The following PRKN variants were observed in gnomAD, a reference collection of about 807,000 sequenced individuals.
PRKN encodes parkin RBR E3 ubiquitin protein ligase.
A neutral mutation model predicts 59.5 loss-of-function variants in PRKN; 56 were observed. The observed-to-expected ratio is 0.94, with a 90% CI of 0.76 to 1.18. PRKN has a LOEUF of 1.18. PRKN is among the 50% of genes most tolerant of loss of function. The pLI, the probability that PRKN is intolerant of heterozygous loss-of-function variation, is 0.00. For synonymous variants in PRKN, 250 were observed against 222.1 expected (o/e 1.13, Z -1.12); for missense variants, 657 against 596.4 (o/e 1.10, Z -1.06).
chr6:161,394,044 A>AT (rs1786635075), intron 9 of PRKN, among the ~76,000 whole-genome samples: 2 of 152,220 alleles, frequency 1.3e-5, no homozygotes, highest in Non-Finnish European at 2.9e-5. Flanking sequence ...AAGGGAATCT[A>AT]TCAAGAGAGG....
Position 162,427,701 on chromosome 6 carries a change from AGT to A in PRKN, c.171+15607_171+15608del, listed in dbSNP as rs1789307025. Among the ~76,000 whole-genome samples, 3 of 147,988 alleles carry A rather than the reference AGT, an allele frequency of 2.0e-5. No homozygotes were observed. The South Asian group carries it at 6.3e-4, about 31-fold the overall frequency. On this transcript the variant is annotated intron_variant, in intron 2 of 11. Transcript: ENST00000366898. ...CGCTCTGTCGCCCAGGCTGGACTGC[AGT>A]GGCGCAATCTCGGCTCACTGCAAGC...
At chr6:162,010,927 TA>T (rs1782595821) in intron 5 of PRKN, among the ~76,000 whole-genome samples, 1 of 10,852 alleles carries the variant, frequency 9.2e-5, no homozygotes, top group African/African-American at 9.5e-4. Flanking sequence ...ATATAATATA[TA>T]ATATAATATA....
At chr6:162,710,376 C>CAA (rs1362362716) in intron 1 of PRKN, among the ~76,000 whole-genome samples, 140 of 140,312 alleles carry the variant, frequency 1.0e-3, no homozygotes, top group African/African-American at 3.7e-3. Context: ...CCCCTACAAA[C>CAA]ACACACACAC....
rs563333741 is a variant in PRKN, at chr6:162,323,227, T to TA, written c.172-60463dup. ...ATGTACCCTAAAACTTAAAGTATAA[T>TA]AAAAAAAAAATGAACTTGAAATGGA... is the stretch of plus-strand genomic sequence containing the variant. On this transcript the variant is annotated intron_variant, in intron 2 of 11. Coordinates refer to ENST00000366898, the MANE Select transcript of PRKN (RefSeq NM_004562.3). Among the ~76,000 whole-genome samples the TA allele has an allele frequency of 6.3e-3, 917 of 145,636 alleles. 9 individuals are homozygous for TA. Among genetic ancestry groups the TA allele is most frequent in the African/African-American group, 0.022 (856 of 39,688 alleles).
chr6:162,636,669 G>A (rs954748148), intron 1 of PRKN, among the ~76,000 whole-genome samples: 5 of 152,292 alleles, frequency 3.3e-5, no homozygotes, highest in Middle Eastern at 3.4e-3. Context: ...TGAATGAAAC[G>A]GAAATGAAAT....
chr6:161,978,317 T>C (rs1234078287), intron 5 of PRKN, among the ~76,000 whole-genome samples: 2 of 152,190 alleles, frequency 1.3e-5, no homozygotes, highest in African/African-American at 4.8e-5. Context: ...CCCAAAGTGC[T>C]GGGATTACAG....
chr6:161,450,580 G>T (rs548509267), intron 9 of PRKN, among the ~76,000 whole-genome samples: 2 of 150,624 alleles, frequency 1.3e-5, no homozygotes, highest in Admixed American at 1.3e-4. Flanking sequence ...TTTTTGAGAC[G>T]GAGTCTCGCT....
chr6:161,905,119 C>T (rs4709556), intron 6 of PRKN, among the ~76,000 whole-genome samples: 24,787 of 152,114 alleles, frequency 0.16, 2,322 homozygotes, highest in East Asian at 0.43. Context: ...CCTCCACTTC[C>T]CAGCTTTTTT....
chr6:161,508,247 C>T (rs1271502707), intron 9 of PRKN, among the ~76,000 whole-genome samples: 2 of 152,136 alleles, frequency 1.3e-5, no homozygotes, highest in African/African-American at 4.8e-5. Flanking sequence ...CTGATGTGTA[C>T]TTGCTTTTGA....
At chr6:162,228,289 C>T (rs113734361) in intron 3 of PRKN, among the ~76,000 whole-genome samples, 147 of 152,262 alleles carry the variant, frequency 9.7e-4, no homozygotes, top group Non-Finnish European at 1.5e-3. Flanking sequence ...GAATTGACTT[C>T]TTAGAGTATA....
In PRKN at chr6:161,579,029, G is replaced by A. The variant is rs1221031363; in HGVS notation, c.872-9613C>T. Among the ~76,000 whole-genome samples the A allele has an allele frequency of 6.6e-6, 1 of 152,154 alleles. No individual in the cohort carries two copies. Among genetic ancestry groups the A allele is most frequent in the Non-Finnish European group, 1.5e-5 (1 of 68,044 alleles). Reference sequence around the variant, plus strand: ...TTTAATTTGGCTGGTCAACACATGAGTGGCCACTGGGAATGGGAGGCTCTC... The same window carrying A: ...TTTAATTTGGCTGGTCAACACATGAATGGCCACTGGGAATGGGAGGCTCTC... On this transcript the variant is annotated intron_variant, in intron 7 of 11. Transcript: ENST00000366898. This position sits in a 1 kb window ranked among gnomAD's most constrained non-coding sequence, Gnocchi z 4.2.
At chr6:161,517,330 C>T (rs1196665854) in intron 9 of PRKN, among the ~76,000 whole-genome samples, 4 of 152,118 alleles carry the variant, frequency 2.6e-5, no homozygotes. Context: ...AATTTGGCTA[C>T]TTATATGGTG....
At chr6:162,562,127 C>G (rs554627196) in intron 1 of PRKN, among the ~76,000 whole-genome samples, 1 of 152,212 alleles carries the variant, frequency 6.6e-6, no homozygotes, top group East Asian at 1.9e-4. Flanking sequence ...GAAAGGGCAA[C>G]AGACTGAATT....
rs143252889 is a variant in PRKN, at chr6:161,596,612, C to T, written c.872-27196G>A. Among the ~76,000 whole-genome samples the T allele has an allele frequency of 4.2e-3, 634 of 152,178 alleles. 4 individuals carry two copies. Among genetic ancestry groups the T allele is most frequent in the African/African-American group, 0.015 (608 of 41,536 alleles). On this transcript the variant is annotated intron_variant, in intron 7 of 11. Coordinates refer to ENST00000366898, the MANE Select transcript of PRKN (RefSeq NM_004562.3). The stretch of plus-strand genomic sequence containing the variant: ...GATATCGACAAGAAACCCCTAGGAA[C>T]ATTTAGCACACACAAAAAAAGCCTA...
At chr6:162,146,182 C>T (rs576149510) in intron 4 of PRKN, among the ~76,000 whole-genome samples, 51 of 152,224 alleles carry the variant, frequency 3.4e-4, no homozygotes, top group Non-Finnish European at 6.0e-4. Flanking sequence ...ATAGCACCCA[C>T]GTAGCCATCC....
intron 2 of PRKN, among the ~76,000 whole-genome samples, chr6:162,266,300 G>C (rs776770798): frequency 1.5e-5 from 1 of 67,196 alleles, no homozygotes; most frequent in Non-Finnish European, 2.6e-5. Flanking sequence ...CATATATATT[G>C]TGTGTGTGTG....
At chr6:161,969,498 C>T (rs1780719042) in intron 6 of PRKN, among the ~76,000 whole-genome samples, 2 of 151,988 alleles carry the variant, frequency 1.3e-5, no homozygotes, top group African/African-American at 2.4e-5. Context: ...GTGGGAAAAC[C>T]TGCCTGGTTT....
In PRKN at chr6:161,399,593, T is replaced by C. The variant is rs1440662631; in HGVS notation, c.1084-12716A>G. Reference sequence around the variant, plus strand: ...TGAGCCATATGCCTGTTGCATGTCCTGCAACCGGGGTGGGTCAGGGAACTC... The same window carrying C: ...TGAGCCATATGCCTGTTGCATGTCCCGCAACCGGGGTGGGTCAGGGAACTC... On this transcript the variant is annotated intron_variant, in intron 9 of 11. Transcript: ENST00000366898. This position sits in a 1 kb window ranked among gnomAD's most constrained non-coding sequence, Gnocchi z 4.4. Among the ~76,000 whole-genome samples, 1 of 152,158 alleles carries C rather than the reference T, an allele frequency of 6.6e-6. No homozygotes were observed. The highest frequency in any genetic ancestry group is 1.5e-5 in the Non-Finnish European group (1 of 68,040).
At chr6:162,633,202 G>A (rs113095450) in intron 1 of PRKN, among the ~76,000 whole-genome samples, 12 of 151,892 alleles carry the variant, frequency 7.9e-5, no homozygotes, top group African/African-American at 2.7e-4. Flanking sequence ...GGGAGGCCGA[G>A]GTGGGTGGAT....
Sources: gnomAD v4.1 joint callset for allele counts (sites outside exome capture counted in the v4.1 genomes callset) on GRCh38, gnomAD v4.1.1 for gene constraint, Gnocchi (gnomAD v3.1) non-coding constraint, MANE v1.5 for transcripts, NCBI Gene and HGNC (gene_info 2026-07-23, HGNC 2026-07-21) for gene names.